Variants in STK39 observed in about 807,000 individuals in gnomAD.
STK39 encodes the protein serine/threonine kinase 39.
A neutral mutation model predicts 77.8 loss-of-function variants in STK39; 20 were observed. The observed-to-expected ratio is 0.26, with a 90% CI of 0.18 to 0.37. The LOEUF (loss-of-function observed/expected upper bound fraction) is 0.37. Ranked by LOEUF, STK39 falls within the 10% of genes least tolerant of loss-of-function variation. The probability of loss-of-function intolerance (pLI) is 1.00; values close to 1 mark genes in which losing one functional copy is unlikely to be tolerated. For missense variants in STK39, 479 were observed against 656.5 expected (o/e 0.73, Z 2.95); for synonymous variants, 246 against 234.1 (o/e 1.05, Z -0.47).
chr2:168,231,289 AG>A, intron 1 of STK39, among the ~76,000 whole-genome samples: 1 of 152,136 alleles, frequency 6.6e-6, no homozygotes. Context: ...ATTTCTTCAT[AG>A]GAGGACTGAC....
At chr2:168,115,825 T>C (rs914140149) in intron 10 of STK39, among the ~76,000 whole-genome samples, 4 of 152,156 alleles carry the variant, frequency 2.6e-5, no homozygotes, top group African/African-American at 9.7e-5. Flanking sequence ...ACAAGGGCTA[T>C]GGGCAAGTGG....
At chr2:168,243,502 C>A (rs536890576) in intron 1 of STK39, among the ~76,000 whole-genome samples, 1 of 151,990 alleles carries the variant, frequency 6.6e-6, no homozygotes, top group Non-Finnish European at 1.5e-5. Context: ...AATGACCACC[C>A]GGGACAAAAG....
At chr2:168,064,765 C>A (rs185901294) in intron 13 of STK39, among the ~76,000 whole-genome samples, 2 of 152,340 alleles carry the variant, frequency 1.3e-5, no homozygotes, top group Non-Finnish European at 2.9e-5. Context: ...CAGGCCTGTG[C>A]TCTGGTTCTA....
chr2:168,197,841 C>A (rs1689510683), intron 1 of STK39, among the ~76,000 whole-genome samples: 1 of 151,916 alleles, frequency 6.6e-6, no homozygotes, highest in East Asian at 1.9e-4. Flanking sequence ...TTTGAGACCA[C>A]CCTGGCCAAC....
intron 16 of STK39, among the ~76,000 whole-genome samples, chr2:168,009,269 A>G (rs1299318827): frequency 6.6e-6 from 1 of 152,154 alleles, no homozygotes; most frequent in Admixed American, 6.5e-5. Context: ...AGAGGGAAAT[A>G]GATGAGGAGG....
At chr2:168,199,755 C>T (rs554067061) in intron 1 of STK39, among the ~76,000 whole-genome samples, 10 of 152,152 alleles carry the variant, frequency 6.6e-5, no homozygotes, top group African/African-American at 9.6e-5. Flanking sequence ...CCTTGTGATC[C>T]GCCCACCTCG....
chr2:168,134,074 C>T (rs1174956864), intron 8 of STK39, among the ~76,000 whole-genome samples: 1 of 152,166 alleles, frequency 6.6e-6, no homozygotes. Flanking sequence ...TCTGCAAGCA[C>T]AGTCACGTCT....
At chr2:168,136,399 G>T (rs78989634) in intron 8 of STK39, among the ~76,000 whole-genome samples, 30,388 of 150,534 alleles carry the variant, frequency 0.2, 3,409 homozygotes, top group Non-Finnish European at 0.27. Context: ...GAAATAAAAA[G>T]GGTTTGTTAA....
chr2:168,002,488 G>C (rs1051409639), intron 16 of STK39, among the ~76,000 whole-genome samples: 1 of 152,200 alleles, frequency 6.6e-6, no homozygotes, highest in Non-Finnish European at 1.5e-5. Flanking sequence ...AGAATCTGCA[G>C]ACAGATAAGC....
chr2:168,136,943 G>A (rs995383026), intron 8 of STK39, among the ~76,000 whole-genome samples: 1 of 152,154 alleles, frequency 6.6e-6, no homozygotes, highest in Non-Finnish European at 1.5e-5. Context: ...AATTCAAGAT[G>A]GCTAATAGCA....
At chr2:168,187,492 C>T (rs908596) in intron 1 of STK39, among the ~76,000 whole-genome samples, 66,528 of 152,098 alleles carry the variant, frequency 0.44, 16,756 homozygotes, top group East Asian at 0.77. Flanking sequence ...ATTGGTAAGA[C>T]GGCAATAATG....
intron 16 of STK39, among the ~76,000 whole-genome samples, chr2:167,985,815 T>C (rs1454914136): frequency 1.3e-5 from 2 of 152,190 alleles, no homozygotes; most frequent in Non-Finnish European, 2.9e-5. Flanking sequence ...TAAGAAGGCA[T>C]TTTAAGGAAA....
At chr2:168,022,467 A>T (rs1297337566) in intron 14 of STK39, among the ~76,000 whole-genome samples, 3 of 152,236 alleles carry the variant, frequency 2.0e-5, no homozygotes, top group Non-Finnish European at 4.4e-5. Flanking sequence ...CTTCTTCCCC[A>T]TCTAAAGGGG....
intron 5 of STK39, among the ~76,000 whole-genome samples, chr2:168,149,232 T>C (rs1688219545): frequency 6.6e-6 from 1 of 152,214 alleles, no homozygotes. Context: ...GTTTTTCTCC[T>C]GAATAAAATA....
intron 16 of STK39, among the ~76,000 whole-genome samples, chr2:167,981,287 G>A (rs527587482): frequency 1.3e-5 from 2 of 152,292 alleles, no homozygotes; most frequent in African/African-American, 4.8e-5. Context: ...ACTGTACAAC[G>A]TGCTTAATAA....
At chr2:168,148,411 A>G (rs1688196305) in intron 5 of STK39, among the ~76,000 whole-genome samples, 1 of 152,166 alleles carries the variant, frequency 6.6e-6, no homozygotes, top group South Asian at 2.1e-4. Flanking sequence ...AAAGCAGGAG[A>G]AAGCTTTCTG....
chr2:168,245,932 C>G (rs1001322133), intron 1 of STK39, among the ~76,000 whole-genome samples: 1 of 151,892 alleles, frequency 6.6e-6, no homozygotes, highest in Admixed American at 6.6e-5. Context: ...ACGGACCTGC[C>G]CAACATTTTC....
At chr2:168,067,608 C>T (rs909340777) in intron 12 of STK39, among the ~76,000 whole-genome samples, 1 of 152,036 alleles carries the variant, frequency 6.6e-6, no homozygotes, top group African/African-American at 2.4e-5. Context: ...TGGCCTAATA[C>T]AGGAAGCCAC....
intron 2 of STK39, among the ~76,000 whole-genome samples, chr2:168,169,535 A>G (rs1688770193): frequency 6.6e-6 from 1 of 152,172 alleles, no homozygotes; most frequent in Non-Finnish European, 1.5e-5. Context: ...GGCAAGGTTG[A>G]GTCAGTCTAG....
Sources: allele counts gnomAD v4.1 joint callset (sites outside exome capture counted in the v4.1 genomes callset), GRCh38; gene constraint gnomAD v4.1.1; transcripts MANE v1.5; gene names NCBI Gene and HGNC (gene_info 2026-07-23, HGNC 2026-07-21).